IMMP1L: variants seen among roughly 807,000 people sequenced by gnomAD.
The protein encoded by IMMP1L is mitochondrial inner membrane protease subunit 1.
IMMP1L carries 24 observed loss-of-function variants against 21.8 expected under a neutral mutation model. The ratio of observed to expected loss-of-function variants is 1.10; its 90% CI spans 0.80 to 1.55. IMMP1L has a LOEUF of 1.55. IMMP1L is among the 40% of genes most tolerant of loss of function. The pLI, the probability that IMMP1L is intolerant of heterozygous loss-of-function variation, is 0.00. For missense variants in IMMP1L, 195 were observed against 200.7 expected, an observed-to-expected ratio of 0.97 and a Z score of 0.17; for synonymous variants, 46 against 62.8, an observed-to-expected ratio of 0.73 and a Z score of 1.26.
At chr11:31,490,920 T>C (rs1202749100) in intron 1 of IMMP1L, among the ~76,000 whole-genome samples, 1 of 152,056 alleles carries the variant, frequency 6.6e-6, no homozygotes, top group Non-Finnish European at 1.5e-5. Context: ...AAAAGAACAA[T>C]GTGAAAATGA....
At chr11:31,485,483 G>A (rs1477652518) in intron 1 of IMMP1L, among the ~76,000 whole-genome samples, 2 of 151,798 alleles carry the variant, frequency 1.3e-5, no homozygotes, top group Non-Finnish European at 3.0e-5. Context: ...TCGGTCTGAG[G>A]TTATCTCAAT....
intron 1 of IMMP1L, among the ~76,000 whole-genome samples, chr11:31,494,218 A>G (rs1447766261): frequency 6.6e-6 from 1 of 152,214 alleles, no homozygotes; most frequent in East Asian, 1.9e-4. Flanking sequence ...AGGCATTTCC[A>G]TATATCCTCT....
At chr11:31,463,925 T>A (rs1037185815) in intron 1 of IMMP1L, among the ~76,000 whole-genome samples, 3 of 152,098 alleles carry the variant, frequency 2.0e-5, no homozygotes, top group African/African-American at 4.8e-5. Context: ...ACATAAATAC[T>A]ATGAAACAAC....
chr11:31,444,415 T>C (rs929525945), intron 4 of IMMP1L, among the ~76,000 whole-genome samples: 1 of 152,182 alleles, frequency 6.6e-6, no homozygotes, highest in African/African-American at 2.4e-5. Flanking sequence ...TTTTACACTA[T>C]ATTCAATTAT....
At chr11:31,456,205 AGTTAAT>A (rs1330929570) in intron 4 of IMMP1L, 49 bp downstream of exon 4, 5 of 1,277,414 alleles carry the variant, frequency 3.9e-6, no homozygotes, top group Admixed American at 4.0e-5. Context: ...GTCAGCACTC[AGTTAAT>A]GTTAATCAAT....
chr11:31,494,845 T>C (rs1185998380), intron 1 of IMMP1L, among the ~76,000 whole-genome samples: 2 of 152,118 alleles, frequency 1.3e-5, no homozygotes, highest in South Asian at 2.1e-4. Context: ...CAGGTTTCAC[T>C]GTGTTAGCCA....
intron 4 of IMMP1L, chr11:31,453,138 T>C (rs1250712537): frequency 3.1e-6 from 4 of 1,284,116 alleles, no homozygotes; most frequent in Middle Eastern, 2.2e-4. Flanking sequence ...GCTTGCCATG[T>C]GGTCTTTTAA....
At chr11:31,437,732 C>G (rs1953174214) in intron 4 of IMMP1L, among the ~76,000 whole-genome samples, 1 of 152,174 alleles carries the variant, frequency 6.6e-6, no homozygotes, top group Non-Finnish European at 1.5e-5. Context: ...AAAGTTCCCT[C>G]TGTTCCTTTG....
At chr11:31,462,327 A>AG (rs1243910389) in intron 2 of IMMP1L, among the ~76,000 whole-genome samples, 9 of 138,180 alleles carry the variant, frequency 6.5e-5, no homozygotes, top group African/African-American at 1.2e-4. Flanking sequence ...AAAAAAAAAA[A>AG]AAAAGAAGGG....
At chr11:31,485,162 T>G (rs1349453842) in intron 1 of IMMP1L, among the ~76,000 whole-genome samples, 1 of 151,902 alleles carries the variant, frequency 6.6e-6, no homozygotes, top group African/African-American at 2.4e-5. Context: ...CAAATCTGTG[T>G]TACTTCTATA....
intron 1 of IMMP1L, among the ~76,000 whole-genome samples, chr11:31,497,618 C>A (rs753239920): frequency 6.6e-6 from 1 of 152,074 alleles, no homozygotes; most frequent in African/African-American, 2.4e-5. Context: ...CGCGCTACCA[C>A]GCCCAGCTAA....
intron 2 of IMMP1L, among the ~76,000 whole-genome samples, chr11:31,461,751 A>G (rs1267971592): frequency 6.6e-6 from 1 of 152,166 alleles, no homozygotes; most frequent in East Asian, 1.9e-4. Flanking sequence ...CATTATGTAT[A>G]TGCAAATATT....
rs1955926067 is a variant in IMMP1L, at chr11:31,509,499, C to T, written c.-30+20G>A. On this transcript the variant is annotated intron_variant, in intron 1 of 5. Coordinates refer to ENST00000532287, the MANE Select transcript of IMMP1L (RefSeq NM_001304274.2). ...ATGAAGGCACTCAAAAGGAGAAGAACGTTACGTGATATTACCTACCTCGGG... is the reference window on the plus strand; with the variant it reads ...ATGAAGGCACTCAAAAGGAGAAGAATGTTACGTGATATTACCTACCTCGGG... 2.0e-6 allele frequency: 1 copy of T among 495,842 alleles called. No individual in the cohort carries two copies. The highest frequency in any genetic ancestry group is 1.9e-5 in the African/African-American group (1 of 52,088). The allele number at this position is 495,842 out of a possible 1,614,324, so 30.7% of individuals were successfully genotyped here. A position where few individuals can be genotyped will look rare whatever the true frequency, so the allele number is the denominator to read the frequency against.
rs549351184 is a variant in IMMP1L at position 31,469,323 on chromosome 11, T to A, written c.-29-6018A>T. ...GGTGATTCAGGTATTGCACTTAACA[T>A]ATGAACACTTTAAAATAACTATGAT... On this transcript the variant is annotated intron_variant, in intron 1 of 5. Transcript: ENST00000532287. Among the ~76,000 whole-genome samples, 11 of 151,912 alleles carry A rather than the reference T, an allele frequency of 7.2e-5. 1 individual carries two copies. The South Asian group carries it at 2.3e-3, about 32-fold the overall frequency.
At chr11:31,499,405 C>G (rs1403085488) in intron 1 of IMMP1L, among the ~76,000 whole-genome samples, 1 of 141,244 alleles carries the variant, frequency 7.1e-6, no homozygotes, top group Non-Finnish European at 1.5e-5. Flanking sequence ...AAACACTACA[C>G]TGAAACGACA....
intron 1 of IMMP1L, among the ~76,000 whole-genome samples, chr11:31,475,425 T>C (rs1592003996): frequency 6.6e-6 from 1 of 152,306 alleles, no homozygotes; most frequent in African/African-American, 2.4e-5. Flanking sequence ...GTGCCACAGT[T>C]CATGAACGGC....
intron 4 of IMMP1L, chr11:31,449,101 AC>A (rs1953648556): frequency 1.0e-6 from 1 of 985,214 alleles, no homozygotes; most frequent in African/African-American, 1.7e-5. Flanking sequence ...TCTGCAAAAA[AC>A]AAGTCGCTTG....
At chr11:31,433,125 G>A (rs539864741) in intron 5 of IMMP1L, among the ~76,000 whole-genome samples, 4 of 152,188 alleles carry the variant, frequency 2.6e-5, no homozygotes, top group Non-Finnish European at 5.9e-5. Flanking sequence ...AATCTAGACT[G>A]TTCTTCTGCA....
At chr11:31,489,663 T>A (rs145082172) in intron 1 of IMMP1L, among the ~76,000 whole-genome samples, 197 of 152,338 alleles carry the variant, frequency 1.3e-3, no homozygotes, top group Non-Finnish European at 2.2e-3. Flanking sequence ...TCTTCATTTC[T>A]GCCAATCTCT....
Sources: gnomAD v4.1 joint callset for allele counts (sites outside exome capture counted in the v4.1 genomes callset) on GRCh38, gnomAD v4.1.1 for gene constraint, MANE v1.5 for transcripts, NCBI Gene and HGNC (gene_info 2026-07-23, HGNC 2026-07-21) for gene names.